The following CENPN variants were observed in gnomAD, a reference collection of about 807,000 sequenced individuals.
CENPN encodes the protein centromere protein N.
In CENPN, 36 loss-of-function variants were observed where a neutral mutation model predicts 48.6. The ratio of observed to expected loss-of-function variants is 0.74; its 90% CI spans 0.57 to 0.98. The LOEUF (loss-of-function observed/expected upper bound fraction) is 0.98, where lower values mean the gene tolerates loss of function less well. Ranked by LOEUF, CENPN falls within the 50% of genes least tolerant of loss-of-function variation. CENPN has a pLI of 0.00. For missense variants in CENPN, 439 were observed against 399.2 expected (o/e 1.10, Z -0.85); for synonymous variants, 166 against 135.2 (o/e 1.23, Z -1.58).
intron 7 of CENPN, 152 bp downstream of exon 7, chr16:81,022,850 G>C (rs746720951): frequency 5.6e-6 from 9 of 1,612,230 alleles, no homozygotes; most frequent in Middle Eastern, 1.8e-4. Flanking sequence ...GAACATGAAA[G>C]GAAAATAAAA....
At chr16:81,014,292 T>A in intron 3 of CENPN, 111 bp downstream of exon 3, 1 of 840,414 alleles carries the variant, frequency 1.2e-6, no homozygotes, top group Non-Finnish European at 2.0e-6. Context: ...TGGAGTGCAG[T>A]AACGCCATCT....
At chr16:81,022,986 G>GAAAAC in intron 7 of CENPN, 1 of 1,020,874 alleles carries the variant, frequency 9.8e-7, no homozygotes, top group Non-Finnish European at 1.4e-6. Flanking sequence ...TCTCTTTAGA[G>GAAAAC]AAACTTCACA....
At chr16:81,026,417 T>C (rs1459832839) in intron 8 of CENPN, 109 bp from the exon 9 acceptor site, 1 of 477,450 alleles carries the variant, frequency 2.1e-6, no homozygotes, top group Non-Finnish European at 3.7e-6. Flanking sequence ...GCAGTAAATA[T>C]TATTTTAAAA....
chr16:81,030,515 GA>G lies in CENPN; in HGVS notation c.*1865del, dbSNP rs1970721354. Reference sequence around the variant, plus strand: ...TGTAATCCTAGCACTTTGGGAAGCCGAGGTGGGCAGATCACCCGAGGTCAGG... The same window carrying G: ...TGTAATCCTAGCACTTTGGGAAGCCGGGTGGGCAGATCACCCGAGGTCAGG... On this transcript the variant is annotated 3_prime_UTR_variant, in exon 11 of 11. Transcript: ENST00000305850. The G allele has an allele frequency of 1.4e-5, 7 of 509,552 alleles. No homozygotes were observed. The highest frequency in any genetic ancestry group is 1.5e-5 in the Non-Finnish European group (6 of 395,578). The allele number at this position is 509,552 out of a possible 1,614,324, so 31.6% of individuals were successfully genotyped here. A position where few individuals can be genotyped will look rare whatever the true frequency, so the allele number is the denominator to read the frequency against.
intron 9 of CENPN, among the ~76,000 whole-genome samples, chr16:81,026,886 G>C (rs925456696): frequency 6.6e-6 from 1 of 152,090 alleles, no homozygotes; most frequent in Non-Finnish European, 1.5e-5. Context: ...TGCCTCCCAG[G>C]TTCAAGCAAT....
chr16:81,011,904 G>A, intron 1 of CENPN, 26 bp from the exon 2 acceptor site: 8 of 1,582,260 alleles, frequency 5.1e-6, no homozygotes, highest in Non-Finnish European at 6.9e-6. Context: ...TTAATACTTT[G>A]TTGTGCTGTT....
chr16:81,007,350 C>T (rs972043040), intron 1 of CENPN, 73 bp downstream of exon 1: 2 of 152,260 alleles, frequency 1.3e-5, no homozygotes, highest in African/African-American at 4.8e-5. Context: ...GATCCCAGGC[C>T]TCGGGGGTGG....
downstream of CENPN, chr16:81,032,586 C>T (rs148450184): frequency 2.7e-4 from 435 of 1,609,360 alleles, 1 homozygote; most frequent in African/African-American, 5.4e-3. Flanking sequence ...TTTGCAGGAT[C>T]CAAAAGCTGC....
chr16:81,020,784 G>C (rs1970153150), intron 6 of CENPN, among the ~76,000 whole-genome samples: 1 of 152,128 alleles, frequency 6.6e-6, no homozygotes. Context: ...CCTTTGACAA[G>C]ATGGTTATTA....
In CENPN at chr16:81,030,013, C is replaced by G. The variant is rs1316230226; in HGVS notation, c.*1362C>G. On this transcript the variant is annotated 3_prime_UTR_variant, in exon 11 of 11. Coordinates refer to ENST00000305850, the MANE Select transcript of CENPN (RefSeq NM_001100624.3). ...AGCAAAGTCATGTCTTACATGGCGG[C>G]AGGCAAGAGAGCTTGTGCAGGGAAA... is the stretch of plus-strand genomic sequence containing the variant. Among the ~76,000 whole-genome samples, 1 of 152,172 alleles carries G rather than the reference C, an allele frequency of 6.6e-6. No individual in the cohort carries two copies. Among genetic ancestry groups the G allele is most frequent in the Non-Finnish European group, 1.5e-5 (1 of 68,034 alleles).
intron 5 of CENPN, 48 bp from the exon 6 acceptor site, chr16:81,020,052 T>A (rs1313323344): frequency 1.8e-5 from 28 of 1,556,716 alleles, no homozygotes; most frequent in Non-Finnish European, 2.3e-5. Context: ...GGTGCCACAG[T>A]GAAATTTTAA....
chr16:81,029,384 C>T lies in CENPN; in HGVS notation c.*733C>T, dbSNP rs1015345372. On this transcript the variant is annotated 3_prime_UTR_variant, in exon 11 of 11. Coordinates refer to ENST00000305850, the MANE Select transcript of CENPN (RefSeq NM_001100624.3). The stretch of plus-strand genomic sequence containing the variant: ...TACCCTATCTTTTTAAAAATTTTTT[C>T]CTTTCTAATTTTTTATTTCTTTATT... 4 of 800,256 alleles carry T rather than the reference C, an allele frequency of 5.0e-6. No homozygotes were observed. Among genetic ancestry groups the T allele is most frequent in the Non-Finnish European group, 6.0e-6 (4 of 661,494 alleles). The allele number at this position is 800,256 out of a possible 1,614,324, so 49.6% of individuals were successfully genotyped here. A position where few individuals can be genotyped will look rare whatever the true frequency, so the allele number is the denominator to read the frequency against.
chr16:81,024,734 C>G lies in CENPN; in HGVS notation c.653C>G (p.Ser218Cys), dbSNP rs1443900990. Residue 218 changes from serine to cysteine, a missense_variant, in exon 8 of 11, where the codon TCT becomes TGT. Transcript: ENST00000305850. ...QYNQTFETHNSTTPLQERSLG... is the reference protein window; with the variant it reads ...QYNQTFETHNCTTPLQERSLG... ...CCCTAGACCTTTGAAACTCACAACT[C>G]TACGACACCTCTACAGGAAAGAAGC... The G allele has an allele frequency of 6.2e-7, 1 of 1,610,146 alleles. No individual in the cohort carries two copies. Among genetic ancestry groups the G allele is most frequent in the Non-Finnish European group, 8.5e-7 (1 of 1,177,410 alleles).
intron 8 of CENPN, among the ~76,000 whole-genome samples, chr16:81,026,125 A>ATG (rs1225973247): frequency 8.3e-6 from 1 of 120,366 alleles, no homozygotes; most frequent in African/African-American, 2.8e-5. Context: ...ATGTATATAT[A>ATG]TGTGTGTATA....
At chr16:81,025,019 G>C (rs903292891) in intron 8 of CENPN, among the ~76,000 whole-genome samples, 5 of 152,202 alleles carry the variant, frequency 3.3e-5, no homozygotes, top group African/African-American at 1.2e-4. Context: ...TTAGCTAATA[G>C]TTGTTGAGCA....
intron 7 of CENPN, chr16:81,023,153 T>G (rs1202389121): frequency 2.9e-6 from 1 of 341,670 alleles, no homozygotes; most frequent in Non-Finnish European, 5.6e-6. Flanking sequence ...ATAATTTGAA[T>G]GTAATGTTCC....
intron 4 of CENPN, 125 bp downstream of exon 4, chr16:81,017,510 CAA>C (rs569896529): frequency 3.2e-4 from 181 of 566,628 alleles, no homozygotes; most frequent in Middle Eastern, 9.8e-4. Flanking sequence ...ACTCTATATC[CAA>C]AAAAAAAAAA....
Position 81,014,291 on chromosome 16 carries a change from G to A in CENPN, c.217+110G>A, listed in dbSNP as rs1372412384. 4.7e-6 allele frequency: 4 copies of A among 855,120 alleles called. No individual in the cohort carries two copies. In the East Asian group the frequency reaches 7.5e-5, roughly 16 times the overall value. 53.0% of individuals were successfully genotyped at this position (855,120 alleles called of 1,614,324 possible). A position where few individuals can be genotyped will look rare whatever the true frequency, so the allele number is the denominator to read the frequency against. ...CCTCTGTCGCCCAGGCTGGAGTGCA[G>A]TAACGCCATCTCAGCTCACCGCGAC... On this transcript the variant is annotated intron_variant, in intron 3 of 10. Coordinates refer to ENST00000305850, the MANE Select transcript of CENPN (RefSeq NM_001100624.3).
At position 81,026,617 on chromosome 16, in the gene CENPN, A is replaced by G; in HGVS notation, c.789A>G (p.Gln263=). Residue 263 remains glutamine (Q), a synonymous_variant, in exon 9 of 11, where the codon CAA becomes CAG. Coordinates refer to ENST00000305850, the MANE Select transcript of CENPN (RefSeq NM_001100624.3). The stretch of plus-strand genomic sequence containing the variant: ...CATTTGGAGATTATCCTCAACCACA[A>G]CTAGAATTTGCACAATATAAGGTAA... The part of the protein sequence containing the change: ...QETFGDYPQP[Q]LEFAQYKLET... The G allele has an allele frequency of 6.3e-7, 1 of 1,587,070 alleles. No individual in the cohort carries two copies. Among genetic ancestry groups the G allele is most frequent in the Non-Finnish European group, 8.6e-7 (1 of 1,157,824 alleles).
Sources: allele counts gnomAD v4.1 joint callset (sites outside exome capture counted in the v4.1 genomes callset), GRCh38; gene constraint gnomAD v4.1.1; transcripts MANE v1.5; gene names NCBI Gene and HGNC (gene_info 2026-07-23, HGNC 2026-07-21).